Variants in UTP14A observed in about 807,000 individuals in gnomAD.
UTP14A encodes UTP14A small subunit processome component, also known as U3 small nucleolar RNA-associated protein 14 homolog A.
UTP14A carries 5 observed loss-of-function variants against 57.2 expected under a neutral mutation model. The ratio of observed to expected loss-of-function variants is 0.09; its 90% CI spans 0.05 to 0.18. The LOEUF is 0.18. Among genes scored for constraint, UTP14A ranks in the 10% least tolerant of loss-of-function variants. The pLI, the probability that UTP14A is intolerant of heterozygous loss-of-function variation, is 1.00. For synonymous variants in UTP14A, 169 were observed against 210.9 expected, an observed-to-expected ratio of 0.80 and a Z score of 1.72; for missense variants, 430 against 562.1, an observed-to-expected ratio of 0.76 and a Z score of 2.38.
At chrX:129,926,915 A>G (rs1419669708) in intron 14 of UTP14A, among the ~76,000 whole-genome samples, 2 of 112,235 alleles carry the variant, frequency 1.8e-5, no homozygotes, top group East Asian at 2.8e-4. Flanking sequence ...CCTCGGAAGG[A>G]ATAAAGAATT....
chrX:129,923,813 A>G (rs1400829089), intron 11 of UTP14A, among the ~76,000 whole-genome samples: 1 of 111,318 alleles, frequency 9.0e-6, no homozygotes, highest in African/African-American at 3.3e-5. Flanking sequence ...CCACCTGTTA[A>G]AGTGGCTTCC....
rs766553673 is a variant in UTP14A at position 129,906,259 on chromosome X, G to GA, written c.26+23_26+24insA. ...GAGGTGAAGGGCAACGAGGGGAGGG[G>GA]GGATTCTGGGTCTCGTTGGGGGCCG... On this transcript the variant is annotated intron_variant, in intron 1 of 14. Transcript: ENST00000394422. 7.5e-6 allele frequency: 9 copies of GA among 1,194,400 alleles called. No individual in the cohort carries two copies. In the African/African-American group the frequency reaches 1.6e-4, roughly 21 times the overall value.
At position 129,913,379 on chromosome X, in the gene UTP14A, GA is replaced by G. The variant is rs538026007; in HGVS notation, c.537+1468del. The G allele has an allele frequency of 3.5e-3, 1,053 of 301,241 alleles. 5 individuals are homozygous for G. The highest frequency in any genetic ancestry group is 4.5e-3 in the South Asian group (148 of 32,812). 24.8% of individuals were successfully genotyped at this position (301,241 alleles called of 1,213,427 possible). On this transcript the variant is annotated intron_variant, in intron 6 of 14. Coordinates refer to ENST00000394422, the MANE Select transcript of UTP14A (RefSeq NM_006649.4). ...GGCTGCAGGATGAAGGGAGACTTTA[GA>G]AAAAAAAAATCAGAGGTAATACAAT... is the stretch of plus-strand genomic sequence containing the variant.
intron 6 of UTP14A, among the ~76,000 whole-genome samples, chrX:129,915,724 C>T (rs976090016): frequency 3.6e-5 from 4 of 110,362 alleles, no homozygotes; most frequent in Non-Finnish European, 3.8e-5. Context: ...TGCCTCCTCT[C>T]TCTCACCTTC....
chrX:129,922,891 G>A (rs971202814), intron 11 of UTP14A: 5 of 111,283 alleles, frequency 4.5e-5, no homozygotes, highest in African/African-American at 6.5e-5. Context: ...GCAGCACAGC[G>A]GGCTGAGATT....
In UTP14A at chrX:129,929,639, GACTTC is replaced by G. The variant is rs1206224134; in HGVS notation, c.*37_*41del. On this transcript the variant is annotated 3_prime_UTR_variant, in exon 15 of 15. Coordinates refer to ENST00000394422, the MANE Select transcript of UTP14A (RefSeq NM_006649.4). Reference sequence around the variant, plus strand: ...TGGAGGAGTGACAGCCAGGAGCCCTGACTTCACTTCCTTTGGTCCAGTTTTACTCT... The same window carrying G: ...TGGAGGAGTGACAGCCAGGAGCCCTGACTTCCTTTGGTCCAGTTTTACTCT... The G allele has an allele frequency of 8.4e-7, 1 of 1,195,381 alleles. No homozygotes were observed. The highest frequency in any genetic ancestry group is 1.8e-5 in the African/African-American group (1 of 57,102).
rs1317011084 is a variant in UTP14A at position 129,906,219 on chromosome X, G to A, written c.9G>A (p.Ala3=). 7 of 1,207,939 alleles carry A rather than the reference G, an allele frequency of 5.8e-6. No homozygotes were observed. The highest frequency in any genetic ancestry group is 7.8e-6 in the Non-Finnish European group (7 of 894,244). The change falls in exon 1 of 15, where the codon GCG becomes GCA. Residue 3 remains alanine (A), a synonymous_variant. Coordinates refer to ENST00000394422, the MANE Select transcript of UTP14A (RefSeq NM_006649.4). ...AGAAGCTGGCTGCTGAAATGACTGC[G>A]AACCGGCTTGCAGAGAGGTGAAGGG... The part of the protein sequence containing the change: MT[A]NRLAESLLAL...
At chrX:129,913,408 G>A (rs1929554249) in intron 6 of UTP14A, 1 of 338,621 alleles carries the variant, frequency 3.0e-6, no homozygotes, top group African/African-American at 2.7e-5. Context: ...AATACAATTT[G>A]TAGGATTCAA....
At chrX:129,928,974 G>A (rs1043770639) in intron 14 of UTP14A, among the ~76,000 whole-genome samples, 19 of 104,959 alleles carry the variant, frequency 1.8e-4, no homozygotes, top group Admixed American at 4.0e-4. Context: ...GTAGGCAGAG[G>A]TTGCAGTGAG....
At chrX:129,912,464 A>T (rs749263294) in intron 6 of UTP14A, among the ~76,000 whole-genome samples, 2 of 109,577 alleles carry the variant, frequency 1.8e-5, no homozygotes, top group South Asian at 7.6e-4. Flanking sequence ...AGTACTTGCT[A>T]TTTCCATGTT....
chrX:129,918,544 G>A (rs1455330561), intron 6 of UTP14A, among the ~76,000 whole-genome samples: 1 of 111,666 alleles, frequency 9.0e-6, no homozygotes, highest in Non-Finnish European at 1.9e-5. Context: ...CAAGGGCAAT[G>A]TGCCTAGATT....
chrX:129,929,443 T>C lies in UTP14A; in HGVS notation c.2151T>C (p.Thr717=). The change falls in exon 15 of 15, where the codon ACT becomes ACC. Residue 717 remains threonine, a synonymous_variant. Coordinates refer to ENST00000394422, the MANE Select transcript of UTP14A (RefSeq NM_006649.4). ...WNTQRAFQKL[T]TPKVVTKPGH... The stretch of plus-strand genomic sequence containing the variant: ...CCCAGAGGGCTTTCCAAAAGCTGAC[T>C]ACTCCCAAGGTCGTCACCAAGCCAG... The C allele has an allele frequency of 8.3e-7, 1 of 1,211,727 alleles. No homozygotes were observed. Among genetic ancestry groups the C allele is most frequent in the Non-Finnish European group, 1.1e-6 (1 of 895,539 alleles).
intron 4 of UTP14A, among the ~76,000 whole-genome samples, chrX:129,909,359 G>A (rs1165991137): frequency 9.1e-6 from 1 of 110,249 alleles, no homozygotes; most frequent in Non-Finnish European, 1.9e-5. Flanking sequence ...ACAGGTGCCC[G>A]CCACCGCGCC....
chrX:129,907,920 C>T (rs761676629), intron 2 of UTP14A, 140 bp from the exon 3 acceptor site: 20 of 525,612 alleles, frequency 3.8e-5, no homozygotes, highest in Admixed American at 7.5e-5. Context: ...AACACCACTG[C>T]ACTCCATCCT....
At chrX:129,911,998 G>A in intron 6 of UTP14A, 77 bp downstream of exon 6, 2 of 1,132,928 alleles carry the variant, frequency 1.8e-6, no homozygotes, top group South Asian at 3.9e-5. Flanking sequence ...GATTTGATTG[G>A]ACATGTTAAG....
At chrX:129,916,446 A>AC (rs1369663543) in intron 6 of UTP14A, among the ~76,000 whole-genome samples, 1 of 110,488 alleles carries the variant, frequency 9.1e-6, no homozygotes, top group Admixed American at 9.8e-5. Context: ...ATAACTCCCT[A>AC]CCCCAGTCAC....
rs761006013 is a variant in UTP14A, at chrX:129,920,561, T to C, written c.857T>C (p.Ile286Thr). 35 of 1,209,886 alleles carry C rather than the reference T, an allele frequency of 2.9e-5. No homozygotes were observed. The highest frequency in any genetic ancestry group is 3.4e-5 in the Non-Finnish European group (30 of 895,247). Reference protein sequence around the residue: ...PAAALEELEKIEKARMMERMS... With the variant: ...PAAALEELEKTEKARMMERMS... ...GCAGCACTAGAAGAACTGGAAAAAA[T>C]TGAAAAGGCCAGAATGATGGTGAGA... Residue 286 changes from isoleucine (I) to threonine (T), a missense_variant, in exon 9 of 15, where the codon ATT (isoleucine) becomes ACT (threonine). Transcript: ENST00000394422.
chrX:129,913,444 A>G (rs767482124), intron 6 of UTP14A: 3 of 336,932 alleles, frequency 8.9e-6, no homozygotes, highest in Non-Finnish European at 1.8e-5. Flanking sequence ...GAAGATATGT[A>G]GTGAAAAGTT....
At chrX:129,909,319 C>A (rs2124188815) in intron 4 of UTP14A, among the ~76,000 whole-genome samples, 1 of 108,295 alleles carries the variant, frequency 9.2e-6, no homozygotes, top group African/African-American at 3.4e-5. Context: ...ACGCCATTCT[C>A]CTTCCTCAGC....
Sources: gnomAD v4.1 joint callset for allele counts (sites outside exome capture counted in the v4.1 genomes callset) on GRCh38, gnomAD v4.1.1 for gene constraint, MANE v1.5 for transcripts, NCBI Gene and HGNC (gene_info 2026-07-23, HGNC 2026-07-21) for gene names.